AFTPH: variants seen among roughly 807,000 people sequenced by gnomAD.
AFTPH encodes the protein aftiphilin protein.
Under a neutral mutation model 72.5 loss-of-function variants are expected in AFTPH, and 7 were observed. The ratio of observed to expected loss-of-function variants is 0.10; its 90% confidence interval spans 0.05 to 0.18. AFTPH has a LOEUF of 0.18. Among genes scored for constraint, AFTPH ranks in the 10% least tolerant of loss-of-function variants. AFTPH has a pLI of 1.00. For synonymous variants in AFTPH, 337 were observed against 370.1 expected (o/e 0.91, Z 1.03); for missense variants, 979 against 1,060.5 (o/e 0.92, Z 1.07).
At chr2:64,585,173 A>AT (rs1456549875) in intron 7 of AFTPH, among the ~76,000 whole-genome samples, 1 of 152,272 alleles carries the variant, frequency 6.6e-6, no homozygotes, top group Non-Finnish European at 1.5e-5. Context: ...CATCTGCTGC[A>AT]TAAATGCTAG....
intron 1 of AFTPH, among the ~76,000 whole-genome samples, chr2:64,526,036 G>GA (rs928813463): frequency 6.6e-6 from 1 of 152,006 alleles, no homozygotes; most frequent in Non-Finnish European, 1.5e-5. Flanking sequence ...AAAACCTCTG[G>GA]AAAAAAATCC....
intron 1 of AFTPH, among the ~76,000 whole-genome samples, chr2:64,544,548 G>T (rs1361450581): frequency 6.6e-6 from 1 of 152,118 alleles, no homozygotes; most frequent in Non-Finnish European, 1.5e-5. Flanking sequence ...TCTGTTTGTT[G>T]TGTGCCAGAC....
chr2:64,534,424 G>T (rs759570363), intron 1 of AFTPH, among the ~76,000 whole-genome samples: 2 of 150,906 alleles, frequency 1.3e-5, no homozygotes, highest in Non-Finnish European at 2.9e-5. Context: ...ATTTTCTCTC[G>T]CCTGAAGCCC....
intron 1 of AFTPH, among the ~76,000 whole-genome samples, chr2:64,532,108 G>T (rs1345178043): frequency 6.6e-6 from 1 of 152,114 alleles, no homozygotes; most frequent in East Asian, 1.9e-4. Context: ...TTGAGGGAGG[G>T]TGTTAGGAAA....
At chr2:64,562,169 C>T (rs1340752947) in intron 2 of AFTPH, among the ~76,000 whole-genome samples, 1 of 151,898 alleles carries the variant, frequency 6.6e-6, no homozygotes, top group East Asian at 1.9e-4. Context: ...ACATGTAGAG[C>T]GTCAAGCATA....
chr2:64,550,160 A>C (rs1474193585), intron 1 of AFTPH, among the ~76,000 whole-genome samples: 1 of 152,244 alleles, frequency 6.6e-6, no homozygotes, highest in Non-Finnish European at 1.5e-5. Flanking sequence ...AAAATACTGG[A>C]AACAACCCAC....
At chr2:64,539,182 T>G (rs887918463) in intron 1 of AFTPH, among the ~76,000 whole-genome samples, 1 of 152,124 alleles carries the variant, frequency 6.6e-6, no homozygotes, top group Non-Finnish European at 1.5e-5. Flanking sequence ...GTGGGAAAAT[T>G]TTCATGAAGT....
chr2:64,539,557 A>G (rs949768152), intron 1 of AFTPH, among the ~76,000 whole-genome samples: 2 of 152,212 alleles, frequency 1.3e-5, no homozygotes, highest in Admixed American at 6.5e-5. Context: ...TGAAGCACTA[A>G]GAGACCAGAG....
chr2:64,549,103 A>T (rs564476293), intron 1 of AFTPH, among the ~76,000 whole-genome samples: 1 of 152,244 alleles, frequency 6.6e-6, no homozygotes, highest in South Asian at 2.1e-4. Context: ...AAATTAAACT[A>T]TGTGGTTTCT....
At chr2:64,537,838 T>G (rs896439566) in intron 1 of AFTPH, among the ~76,000 whole-genome samples, 3 of 152,240 alleles carry the variant, frequency 2.0e-5, no homozygotes, top group African/African-American at 7.2e-5. Flanking sequence ...TAATGTAATT[T>G]AAGAATGCAT....
At chr2:64,574,027 A>G (rs762475934) in intron 6 of AFTPH, among the ~76,000 whole-genome samples, 5 of 152,112 alleles carry the variant, frequency 3.3e-5, no homozygotes, top group Non-Finnish European at 7.4e-5. Flanking sequence ...TCAGACTAAT[A>G]TGTTAATATA....
intron 8 of AFTPH, among the ~76,000 whole-genome samples, chr2:64,588,872 A>G (rs760658103): frequency 5.9e-5 from 9 of 152,156 alleles, no homozygotes; most frequent in Non-Finnish European, 1.0e-4. Flanking sequence ...GGCATGAGCC[A>G]CTGTGCCCAG....
At chr2:64,576,767 G>T (rs574154105) in intron 6 of AFTPH, among the ~76,000 whole-genome samples, 106 of 150,320 alleles carry the variant, frequency 7.1e-4, no homozygotes, top group South Asian at 6.7e-3. Flanking sequence ...CTTTTTTTTT[G>T]TTGTTTTTGA....
At chr2:64,576,504 T>C (rs1349735727) in intron 6 of AFTPH, among the ~76,000 whole-genome samples, 1 of 152,152 alleles carries the variant, frequency 6.6e-6, no homozygotes, top group Non-Finnish European at 1.5e-5. Context: ...TTTTACCTTT[T>C]TTGGGATTGT....
chr2:64,549,514 T>A (rs1408402055), intron 1 of AFTPH, among the ~76,000 whole-genome samples: 1 of 150,020 alleles, frequency 6.7e-6, no homozygotes, highest in African/African-American at 2.4e-5. Flanking sequence ...AGAGGTGGGG[T>A]TTCACCGTGT....
intron 1 of AFTPH, among the ~76,000 whole-genome samples, chr2:64,548,666 G>C (rs1670826746): frequency 6.6e-6 from 1 of 152,070 alleles, no homozygotes; most frequent in South Asian, 2.1e-4. Flanking sequence ...CAATCGCAAA[G>C]TGATTTTAAA....
At chr2:64,529,437 C>G (rs565662107) in intron 1 of AFTPH, among the ~76,000 whole-genome samples, 80 of 151,246 alleles carry the variant, frequency 5.3e-4, no homozygotes, top group African/African-American at 1.8e-3. Flanking sequence ...TTGCTGTTCT[C>G]TTGTATTATT....
chr2:64,576,134 G>T, intron 6 of AFTPH, among the ~76,000 whole-genome samples: 1 of 118,204 alleles, frequency 8.5e-6, no homozygotes, highest in East Asian at 2.5e-4. Context: ...TCATACAAAT[G>T]AAATACGTGT....
At chr2:64,578,227 TA>T (rs1202632370) in intron 6 of AFTPH, among the ~76,000 whole-genome samples, 1 of 152,116 alleles carries the variant, frequency 6.6e-6, no homozygotes, top group Non-Finnish European at 1.5e-5. Context: ...TCCTTTTCTA[TA>T]AAAAACAGCA....
Sources: allele counts gnomAD v4.1 joint callset (sites outside exome capture counted in the v4.1 genomes callset), GRCh38; gene constraint gnomAD v4.1.1; transcripts MANE v1.5; gene names NCBI Gene and HGNC (gene_info 2026-07-23, HGNC 2026-07-21).